The following NTRK2 variants were observed in gnomAD, a reference collection of about 807,000 sequenced individuals.
The protein encoded by NTRK2 is BDNF/NT-3 growth factors receptor.
A neutral mutation model predicts 94.5 loss-of-function variants in NTRK2; 13 were observed. The ratio of observed to expected loss-of-function variants is 0.14; its 90% CI spans 0.09 to 0.22. The LOEUF (loss-of-function observed/expected upper bound fraction) is 0.22, where lower values mean the gene tolerates loss of function less well. Among genes scored for constraint, NTRK2 ranks in the 10% least tolerant of loss-of-function variants. The probability of loss-of-function intolerance (pLI) is 1.00; values close to 1 mark genes in which losing one functional copy is unlikely to be tolerated. For missense variants in NTRK2, 639 were observed against 1,071.2 expected (o/e 0.60, Z 5.63); for synonymous variants, 372 against 407.4 (o/e 0.91, Z 1.05).
intron 14 of NTRK2, among the ~76,000 whole-genome samples, chr9:84,915,345 T>C (rs2077364112): frequency 2.0e-5 from 3 of 152,218 alleles, no homozygotes; most frequent in Admixed American, 1.3e-4. Flanking sequence ...ATGTTTGGAC[T>C]GTGGGGATGC....
intron 16 of NTRK2, among the ~76,000 whole-genome samples, chr9:84,953,823 A>G (rs1823770832): frequency 6.6e-6 from 1 of 152,214 alleles, no homozygotes; most frequent in Non-Finnish European, 1.5e-5. Context: ...GGATCATGGC[A>G]TTGGACGCTG....
chr9:84,886,102 C>T (rs140217022), intron 14 of NTRK2, among the ~76,000 whole-genome samples: 2 of 152,152 alleles, frequency 1.3e-5, no homozygotes, highest in East Asian at 3.9e-4. Flanking sequence ...AATGGGATTT[C>T]TAACTCTCTA....
intron 12 of NTRK2, among the ~76,000 whole-genome samples, chr9:84,853,579 G>T (rs2074895102): frequency 1.3e-5 from 2 of 152,164 alleles, no homozygotes; most frequent in African/African-American, 4.8e-5. Context: ...ATTTAATATT[G>T]TTACGCTTTT....
intron 4 of NTRK2, 84 bp downstream of exon 4, chr9:84,702,503 C>A: frequency 8.9e-7 from 1 of 1,123,446 alleles, no homozygotes; most frequent in Non-Finnish European, 1.4e-6. Flanking sequence ...TCTTTTCCAA[C>A]TTGAAACCTC....
intron 12 of NTRK2, among the ~76,000 whole-genome samples, chr9:84,848,500 T>C (rs184343971): frequency 2.0e-5 from 3 of 152,316 alleles, no homozygotes; most frequent in African/African-American, 7.2e-5. Context: ...ACCAAGAAGA[T>C]TCCTGGAGAC....
At chr9:84,750,438 C>G (rs898448854) in intron 11 of NTRK2, among the ~76,000 whole-genome samples, 1 of 152,194 alleles carries the variant, frequency 6.6e-6, no homozygotes, top group Admixed American at 6.5e-5. Flanking sequence ...ATTAGACAAA[C>G]AGCATTAATG....
In NTRK2 at chr9:84,710,251, A is replaced by G. The variant is rs569895025; in HGVS notation, c.429-386A>G. Among the ~76,000 whole-genome samples, 23 of 152,344 alleles carry G rather than the reference A, an allele frequency of 1.5e-4. No homozygotes were observed. The East Asian group carries it at 4.4e-3, about 29-fold the overall frequency. ...TGAGCCTTTAGCCTGGTCAGAAATAAGTATGTTAGCATTCCTGAAAACTTC... is the reference window on the plus strand; with the variant it reads ...TGAGCCTTTAGCCTGGTCAGAAATAGGTATGTTAGCATTCCTGAAAACTTC... On this transcript the variant is annotated intron_variant, in intron 5 of 18. Coordinates refer to ENST00000277120, the MANE Select transcript of NTRK2 (RefSeq NM_006180.6).
chr9:84,828,854 G>A (rs1398555580), intron 12 of NTRK2, among the ~76,000 whole-genome samples: 1 of 152,172 alleles, frequency 6.6e-6, no homozygotes, highest in Non-Finnish European at 1.5e-5. Flanking sequence ...AGGCTCCTGG[G>A]GACTGTGTCA....
At chr9:84,962,489 T>A (rs1020602719) in intron 17 of NTRK2, among the ~76,000 whole-genome samples, 1 of 113,914 alleles carries the variant, frequency 8.8e-6, no homozygotes, top group Admixed American at 9.6e-5. Flanking sequence ...TTGTGTCCCC[T>A]TTTTTTTTGG....
rs762864134 is a variant in NTRK2, at chr9:84,742,816, T to TCC, written c.1195+890_1195+891dup. On this transcript the variant is annotated intron_variant, in intron 10 of 18. Coordinates refer to ENST00000277120, the MANE Select transcript of NTRK2 (RefSeq NM_006180.6). ...TTTTTTTTTTTTTTTTTTTTTTTTT[T>TCC]CCGAGACGGAGTCTCACTTTGTTGC... Among the ~76,000 whole-genome samples the TCC allele has an allele frequency of 2.4e-4, 33 of 136,794 alleles. 1 individual carries two copies. The Middle Eastern group carries it at 0.016, about 66-fold the overall frequency. The allele number at this position is 136,794 out of a possible 152,430, so 89.7% of individuals were successfully genotyped here. A position where few individuals can be genotyped will look rare whatever the true frequency, so the allele number is the denominator to read the frequency against.
At chr9:84,675,006 T>G (rs2058945951) in intron 2 of NTRK2, among the ~76,000 whole-genome samples, 1 of 152,246 alleles carries the variant, frequency 6.6e-6, no homozygotes, top group Non-Finnish European at 1.5e-5. Flanking sequence ...GGCTGTATGT[T>G]ATTACAAGCA....
At chr9:84,787,402 G>A (rs2068235387) in intron 12 of NTRK2, among the ~76,000 whole-genome samples, 1 of 152,174 alleles carries the variant, frequency 6.6e-6, no homozygotes, top group South Asian at 2.1e-4. Context: ...GGTCAACTCA[G>A]TAGACTCTAG....
intron 15 of NTRK2, among the ~76,000 whole-genome samples, chr9:84,938,303 G>A (rs1278718777): frequency 2.0e-5 from 3 of 152,024 alleles, no homozygotes; most frequent in African/African-American, 4.8e-5. Context: ...AAACCCTCTA[G>A]CACATAATGA....
At chr9:84,924,072 C>T (rs972524443) in intron 14 of NTRK2, among the ~76,000 whole-genome samples, 11 of 151,814 alleles carry the variant, frequency 7.2e-5, no homozygotes, top group Non-Finnish European at 8.8e-5. Context: ...TTATGGCTGG[C>T]GTGGTGGCAC....
At chr9:84,892,507 C>G (rs373905831) in intron 14 of NTRK2, among the ~76,000 whole-genome samples, 20 of 152,350 alleles carry the variant, frequency 1.3e-4, no homozygotes, top group African/African-American at 4.6e-4. Flanking sequence ...CCCATCTACC[C>G]ACCTGGATTC....
intron 17 of NTRK2, among the ~76,000 whole-genome samples, chr9:84,979,745 T>C (rs1196772771): frequency 6.6e-6 from 1 of 152,186 alleles, no homozygotes; most frequent in Non-Finnish European, 1.5e-5. Context: ...AATTTCACTG[T>C]TGTATTATTT....
chr9:84,671,931 G>C (rs2058722661), intron 2 of NTRK2, among the ~76,000 whole-genome samples: 1 of 152,116 alleles, frequency 6.6e-6, no homozygotes, highest in Non-Finnish European at 1.5e-5. Context: ...TTTTTTTCCT[G>C]AAGGATGCTG....
chr9:84,964,562 C>A (rs1382627950), intron 17 of NTRK2, among the ~76,000 whole-genome samples: 1 of 152,182 alleles, frequency 6.6e-6, no homozygotes, highest in African/African-American at 2.4e-5. Flanking sequence ...TTTCTACGTG[C>A]AGCTCTCTCT....
intron 12 of NTRK2, among the ~76,000 whole-genome samples, chr9:84,787,136 A>G (rs964673486): frequency 7.9e-5 from 12 of 152,068 alleles, no homozygotes; most frequent in Middle Eastern, 3.2e-3. Context: ...CGTCTCTACT[A>G]AAAATACAAA....
Sources: gnomAD v4.1 joint callset for allele counts (sites outside exome capture counted in the v4.1 genomes callset) on GRCh38, gnomAD v4.1.1 for gene constraint, MANE v1.5 for transcripts, NCBI Gene and HGNC (gene_info 2026-07-23, HGNC 2026-07-21) for gene names.